SLC25A21: variants seen among roughly 807,000 people sequenced by gnomAD.
SLC25A21 encodes solute carrier family 25 member 21.
Under a neutral mutation model 43.8 loss-of-function variants are expected in SLC25A21, and 47 were observed. The ratio of observed to expected loss-of-function variants is 1.07; its 90% CI spans 0.85 to 1.37. The LOEUF is 1.37. Among genes scored for constraint, SLC25A21 ranks in the 40% most tolerant of loss-of-function variants. The pLI is 0.00. For missense variants in SLC25A21, 352 were observed against 350.2 expected (o/e 1.00, Z -0.04); for synonymous variants, 131 against 121.3 (o/e 1.08, Z -0.52).
intron 2 of SLC25A21, among the ~76,000 whole-genome samples, chr14:36,855,230 T>G (rs1459691472): frequency 6.6e-6 from 1 of 151,104 alleles, no homozygotes; most frequent in Non-Finnish European, 1.5e-5. Flanking sequence ...TCCTGACGCT[T>G]AGGCATGGGT....
chr14:36,685,200 G>C (rs958507345), intron 7 of SLC25A21, among the ~76,000 whole-genome samples: 7 of 152,154 alleles, frequency 4.6e-5, no homozygotes, highest in Admixed American at 6.5e-5. Context: ...ATGGCATATG[G>C]GGATGATTTG....
chr14:36,788,374 G>A lies in SLC25A21; in HGVS notation c.203+25544C>T, dbSNP rs548898569. Among the ~76,000 whole-genome samples the A allele has an allele frequency of 6.6e-5, 10 of 151,430 alleles. No individual in the cohort carries two copies. In the East Asian group the frequency reaches 7.8e-4, roughly 12 times the overall value. On this transcript the variant is annotated intron_variant, in intron 3 of 9. Transcript: ENST00000331299. ...CTGATCGAAGGCATTACCTGAGAAC[G>A]GCGGCTGTTATCTGAAGCTGCAAAC...
At chr14:36,783,146 T>G (rs1304017779) in intron 3 of SLC25A21, among the ~76,000 whole-genome samples, 2 of 147,882 alleles carry the variant, frequency 1.4e-5, no homozygotes, top group Non-Finnish European at 3.0e-5. Context: ...TCCTGCAGAG[T>G]TGAACTAGCT....
At chr14:36,703,734 T>G (rs1247223775) in intron 7 of SLC25A21, among the ~76,000 whole-genome samples, 1 of 152,214 alleles carries the variant, frequency 6.6e-6, no homozygotes, top group Non-Finnish European at 1.5e-5. Flanking sequence ...GAAGACAAAA[T>G]TATTCATGAC....
At chr14:36,730,862 C>T (rs1302223557) in intron 4 of SLC25A21, among the ~76,000 whole-genome samples, 1 of 152,140 alleles carries the variant, frequency 6.6e-6, no homozygotes, top group Non-Finnish European at 1.5e-5. Flanking sequence ...TGAAACTACC[C>T]TGGTGTTAAA....
chr14:36,847,117 T>C (rs192821453), intron 2 of SLC25A21, among the ~76,000 whole-genome samples: 35 of 152,272 alleles, frequency 2.3e-4, no homozygotes, highest in African/African-American at 8.4e-4. Flanking sequence ...ACATGATGAG[T>C]GCACCATATT....
chr14:36,699,495 G>A (rs1316763053), intron 7 of SLC25A21, among the ~76,000 whole-genome samples: 1 of 152,204 alleles, frequency 6.6e-6, no homozygotes. Flanking sequence ...TGTCAGACAG[G>A]GACATTTAAG....
chr14:36,892,808 T>C (rs1225289849), intron 1 of SLC25A21, among the ~76,000 whole-genome samples: 1 of 152,256 alleles, frequency 6.6e-6, no homozygotes, highest in East Asian at 1.9e-4. Context: ...GTTTGGTTTT[T>C]TGTCCTTGCG....
intron 1 of SLC25A21, among the ~76,000 whole-genome samples, chr14:37,119,253 T>A (rs10151488): frequency 0.39 from 59,224 of 151,826 alleles, 13,771 homozygotes; most frequent in Non-Finnish European, 0.52. Flanking sequence ...TAGCATAGAA[T>A]CAAGAAATAA....
chr14:36,687,447 A>C (rs376192631), intron 7 of SLC25A21, among the ~76,000 whole-genome samples: 56 of 152,334 alleles, frequency 3.7e-4, no homozygotes, highest in African/African-American at 1.2e-3. Context: ...TGAGGCTGCC[A>C]GATAAGGACC....
chr14:37,099,703 T>C (rs1566881188), intron 1 of SLC25A21, among the ~76,000 whole-genome samples: 1 of 152,158 alleles, frequency 6.6e-6, no homozygotes, highest in Non-Finnish European at 1.5e-5. Flanking sequence ...GCACCAACAA[T>C]GGCAGGCTCC....
intron 1 of SLC25A21, among the ~76,000 whole-genome samples, chr14:37,169,604 C>CACACACACACACAG (rs1242965821): frequency 0.11 from 16,705 of 151,038 alleles, 1,129 homozygotes; most frequent in South Asian, 0.24. Flanking sequence ...CACACACACA[C>CACACACACACACAG]ACAGAAGTGT....
At chr14:36,946,625 T>C (rs1294277697) in intron 1 of SLC25A21, among the ~76,000 whole-genome samples, 2 of 152,138 alleles carry the variant, frequency 1.3e-5, no homozygotes, top group African/African-American at 4.8e-5. Flanking sequence ...TAGGTGAAAC[T>C]TTTCTTCCCT....
Position 36,678,605 on chromosome 14 carries a change from G to A in SLC25A21, c.*2053C>T. ...CTGTCATCTGAAAAACTGATGTAAG[G>A]TACAGAACTATTCTTTATCAAATGT... On this transcript the variant is annotated 3_prime_UTR_variant, in exon 10 of 10. Coordinates refer to ENST00000331299, the MANE Select transcript of SLC25A21 (RefSeq NM_030631.4). The A allele has an allele frequency of 6.9e-7, 1 of 1,456,738 alleles. No homozygotes were observed. Among genetic ancestry groups the A allele is most frequent in the Non-Finnish European group, 9.0e-7 (1 of 1,106,564 alleles). 90.2% of individuals were successfully genotyped at this position (1,456,738 alleles called of 1,614,324 possible).
chr14:36,859,454 C>A (rs1889999836), intron 2 of SLC25A21, among the ~76,000 whole-genome samples: 1 of 152,216 alleles, frequency 6.6e-6, no homozygotes. Flanking sequence ...CATCAAGCCG[C>A]CCATCCAGGC....
intron 1 of SLC25A21, among the ~76,000 whole-genome samples, chr14:36,930,399 G>A (rs1892254398): frequency 6.6e-6 from 1 of 152,016 alleles, no homozygotes; most frequent in South Asian, 2.1e-4. Context: ...TCAGTAATCT[G>A]GGAGTCATGG....
intron 1 of SLC25A21, among the ~76,000 whole-genome samples, chr14:37,128,622 GC>G (rs1963340676): frequency 6.8e-6 from 1 of 146,450 alleles, no homozygotes; most frequent in African/African-American, 2.5e-5. Context: ...TGACTCTGTT[GC>G]CCAGGCTAGA....
At chr14:36,958,481 C>A (rs1362057968) in intron 1 of SLC25A21, among the ~76,000 whole-genome samples, 5 of 152,140 alleles carry the variant, frequency 3.3e-5, no homozygotes, top group Admixed American at 3.3e-4. Context: ...TGGTTCTTTA[C>A]ACAATGAATA....
At chr14:36,960,638 C>T (rs374952737) in intron 1 of SLC25A21, among the ~76,000 whole-genome samples, 10 of 152,246 alleles carry the variant, frequency 6.6e-5, no homozygotes, top group African/African-American at 1.9e-4. Flanking sequence ...TCCCCTGCCC[C>T]GCCTTCTGCC....
Sources: allele counts gnomAD v4.1 joint callset (sites outside exome capture counted in the v4.1 genomes callset), GRCh38; gene constraint gnomAD v4.1.1; transcripts MANE v1.5; gene names NCBI Gene and HGNC (gene_info 2026-07-23, HGNC 2026-07-21).